The following YEATS2 variants were observed in gnomAD, a reference collection of about 807,000 sequenced individuals.
YEATS2 encodes the protein YEATS domain-containing protein 2.
A neutral mutation model predicts 163.2 loss-of-function variants in YEATS2; 77 were observed. The observed-to-expected ratio is 0.47, with a 90% CI of 0.39 to 0.57. YEATS2 has a LOEUF of 0.57. Among genes scored for constraint, YEATS2 ranks in the 20% least tolerant of loss-of-function variants. The pLI is 0.00. For missense variants in YEATS2, 1,549 were observed against 1,729.8 expected (o/e 0.90, Z 1.85); for synonymous variants, 631 against 645.1 (o/e 0.98, Z 0.33).
intron 6 of YEATS2, among the ~76,000 whole-genome samples, chr3:183,727,433 T>A (rs1163552227): frequency 6.6e-6 from 1 of 152,164 alleles, no homozygotes; most frequent in Non-Finnish European, 1.5e-5. Context: ...GGCCGACCTG[T>A]CTTGTAAAGT....
intron 5 of YEATS2, 123 bp from the exon 6 acceptor site, chr3:183,724,296 G>GA (rs1716834874): frequency 1.4e-6 from 1 of 698,418 alleles, no homozygotes; most frequent in Admixed American, 3.1e-5. Context: ...TACAAAGCCA[G>GA]AAAATTTTGT....
intron 7 of YEATS2, among the ~76,000 whole-genome samples, chr3:183,731,973 T>G (rs899345348): frequency 1.3e-5 from 2 of 152,146 alleles, no homozygotes; most frequent in Non-Finnish European, 2.9e-5. Context: ...TAAAAGAGAT[T>G]ATTGGTTACG....
chr3:183,756,157 G>T (rs976616555), intron 11 of YEATS2, among the ~76,000 whole-genome samples: 1 of 152,192 alleles, frequency 6.6e-6, no homozygotes, highest in Admixed American at 6.5e-5. Context: ...ACAAAAAAAG[G>T]TTCAGCAGTT....
At position 183,775,970 on chromosome 3, in the gene YEATS2, A is replaced by T; in HGVS notation, c.2424A>T (p.Gly808=). ...SGGSGAGGGG[G]GGGGGGSGSG... Reference sequence around the variant, plus strand: ...GGAGTGGTGCCGGAGGAGGAGGAGGAGGAGGAGGAGGAGGCGGCAGTGGCA... The same window carrying T: ...GGAGTGGTGCCGGAGGAGGAGGAGGTGGAGGAGGAGGAGGCGGCAGTGGCA... Residue 808 remains glycine, a synonymous_variant, in exon 18 of 31, where the codon GGA becomes GGT. Transcript: ENST00000305135. The T allele has an allele frequency of 6.2e-7, 1 of 1,607,922 alleles. No homozygotes were observed. Among genetic ancestry groups the T allele is most frequent in the Non-Finnish European group, 8.5e-7 (1 of 1,176,742 alleles).
chr3:183,743,179 A>G (rs749779655), intron 8 of YEATS2, among the ~76,000 whole-genome samples: 1 of 152,198 alleles, frequency 6.6e-6, no homozygotes, highest in Non-Finnish European at 1.5e-5. Flanking sequence ...ATAAAACTGT[A>G]TGTACATGAA....
chr3:183,772,676 T>A (rs1365777421), intron 16 of YEATS2, 113 bp downstream of exon 16: 2 of 1,343,518 alleles, frequency 1.5e-6, no homozygotes, highest in Non-Finnish European at 2.0e-6. Flanking sequence ...GTTAGGTTGA[T>A]GCTGTAAGAA....
chr3:183,775,574 A>G lies in YEATS2; in HGVS notation c.2369-341A>G, dbSNP rs569138939. Among the ~76,000 whole-genome samples the G allele has an allele frequency of 4.6e-5, 7 of 152,324 alleles. No homozygotes were observed. In the South Asian group the frequency reaches 1.0e-3, roughly 23 times the overall value. ...CTTGCCATTGCACTCCAGCCTGGCG[A>G]CAGAGTGAGACTCCGTCTCAAAAAA... On this transcript the variant is annotated intron_variant, in intron 17 of 30. Coordinates refer to ENST00000305135, the MANE Select transcript of YEATS2 (RefSeq NM_018023.5).
intron 15 of YEATS2, among the ~76,000 whole-genome samples, chr3:183,764,438 T>C (rs888012698): frequency 1.4e-5 from 2 of 148,112 alleles, no homozygotes; most frequent in Admixed American, 6.7e-5. Flanking sequence ...CCTACCTATC[T>C]AAGGAGAATG....
rs767308852 is a variant in YEATS2 at position 183,728,859 on chromosome 3, C to A, written c.812+8C>A. On this transcript the variant is annotated splice_region_variant and intron_variant, in intron 7 of 30. Coordinates refer to ENST00000305135, the MANE Select transcript of YEATS2 (RefSeq NM_018023.5). ...TGACCTTGTGGAAGTTAGGTAAGCA[C>A]GCTTGAGGTATTTAACCTAAATTGA... 3.1e-6 allele frequency: 5 copies of A among 1,600,298 alleles called. No individual in the cohort carries two copies. The highest frequency in any genetic ancestry group is 4.3e-6 in the Non-Finnish European group (5 of 1,175,780).
Position 183,772,492 on chromosome 3 carries a change from A to G in YEATS2, c.2135A>G (p.Gln712Arg), listed in dbSNP as rs1458916778. 6.2e-7 allele frequency: 1 copy of G among 1,614,098 alleles called. No homozygotes were observed. The highest frequency in any genetic ancestry group is 2.2e-5 in the East Asian group (1 of 44,900). The change falls in exon 16 of 31, where the codon CAG becomes CGG. Residue 712 changes from glutamine (Q) to arginine (R), a missense_variant. By Grantham distance (43) the Gln-to-Arg change is conservative. Transcript: ENST00000305135. Reference sequence around the variant, plus strand: ...GGAGGTGGAGGAACCATTGTTGCTCAGCCAGTGCAGACCTTAACCAAGGCC... The same window carrying G: ...GGAGGTGGAGGAACCATTGTTGCTCGGCCAGTGCAGACCTTAACCAAGGCC... ...VSGGGGTIVA[Q>R]PVQTLTKAQV...
chr3:183,701,607 C>T (rs553223566), intron 1 of YEATS2, among the ~76,000 whole-genome samples: 2 of 151,424 alleles, frequency 1.3e-5, no homozygotes, highest in Non-Finnish European at 2.9e-5. Context: ...TTGTCCAGGC[C>T]GGTCTTAAAC....
In YEATS2 at chr3:183,790,954, C is replaced by G. The variant is rs753805388; in HGVS notation, c.3071C>G (p.Pro1024Arg). 12 of 1,614,056 alleles carry G rather than the reference C, an allele frequency of 7.4e-6. No homozygotes were observed. Among genetic ancestry groups the G allele is most frequent in the Admixed American group, 1.7e-5 (1 of 59,978 alleles). ...SATSLVPTPNPISGKATVSGL... is the reference protein window; with the variant it reads ...SATSLVPTPNRISGKATVSGL... ...ACGTCCCTCGTGCCTACACCAAACCCCATCTCTGGGAAAGCCACAGTATCC... is the reference window on the plus strand; with the variant it reads ...ACGTCCCTCGTGCCTACACCAAACCGCATCTCTGGGAAAGCCACAGTATCC... The change falls in exon 21 of 31, where the codon CCC becomes CGC. Residue 1024 changes from proline (P) to arginine (R), a missense_variant. Transcript: ENST00000305135.
At chr3:183,798,820 T>C in intron 22 of YEATS2, 71 bp from the exon 23 acceptor site, 3 of 1,229,634 alleles carry the variant, frequency 2.4e-6, no homozygotes, top group Non-Finnish European at 3.6e-6. Flanking sequence ...GGTTGTCACC[T>C]GGAAGTAGAT....
At chr3:183,724,983 TC>T (rs1201910862) in intron 6 of YEATS2, among the ~76,000 whole-genome samples, 1 of 151,202 alleles carries the variant, frequency 6.6e-6, no homozygotes, top group African/African-American at 2.4e-5. Context: ...CCTCAGGTGA[TC>T]CATCCACCTT....
Position 183,810,577 on chromosome 3 carries a change from C to T in YEATS2, c.4263C>T (p.Asp1421=), listed in dbSNP as rs1726709928. Residue 1421 remains aspartate, a synonymous_variant, in exon 31 of 31, where the codon GAC becomes GAT. Coordinates refer to ENST00000305135, the MANE Select transcript of YEATS2 (RefSeq NM_018023.5). ...AACACATGGGAATATTGAATGAGGA[C>T]CAGTGAGCGGAGTGAGGTGCCCTGG... is the stretch of plus-strand genomic sequence containing the variant. ...TNKHMGILNE[D]Q 1.9e-6 allele frequency: 3 copies of T among 1,613,710 alleles called. No individual in the cohort carries two copies. In the African/African-American group the frequency reaches 4.0e-5, roughly 22 times the overall value.
intron 1 of YEATS2, among the ~76,000 whole-genome samples, chr3:183,711,470 CAAA>C (rs532093071): frequency 9.9e-5 from 7 of 70,822 alleles, no homozygotes; most frequent in Non-Finnish European, 1.4e-4. Flanking sequence ...GACTCTGTCT[CAAA>C]AAAAAAAAAA....
At position 183,804,042 on chromosome 3, in the gene YEATS2, C is replaced by T. The variant is rs750170176; in HGVS notation, c.3638C>T (p.Pro1213Leu). The change falls in exon 27 of 31, where the codon CCG becomes CTG. Residue 1213 changes from proline to leucine, a missense_variant. Transcript: ENST00000305135. ...TTACAAGAAATCCTGGAGAAGAATC[C>T]GAGATTTCACCACCTGACTCCCCTC... ...KVLQEILEKN[P>L]RFHHLTPLKT... 9.9e-6 allele frequency: 16 copies of T among 1,614,042 alleles called. No individual in the cohort carries two copies. The highest frequency in any genetic ancestry group is 4.5e-5 in the East Asian group (2 of 44,874).
intron 6 of YEATS2, among the ~76,000 whole-genome samples, chr3:183,726,073 G>T (rs1200676743): frequency 6.6e-6 from 1 of 151,828 alleles, no homozygotes; most frequent in Non-Finnish European, 1.5e-5. Flanking sequence ...GTAGGAGGAG[G>T]CCTCAGGGAA....
chr3:183,774,247 C>T (rs978633787), intron 17 of YEATS2, among the ~76,000 whole-genome samples: 9 of 152,176 alleles, frequency 5.9e-5, no homozygotes, highest in Non-Finnish European at 1.3e-4. Flanking sequence ...TGAGCATGGA[C>T]GAAGAAGCAT....
Sources: allele counts gnomAD v4.1 joint callset (sites outside exome capture counted in the v4.1 genomes callset), GRCh38; gene constraint gnomAD v4.1.1; transcripts MANE v1.5; gene names NCBI Gene and HGNC (gene_info 2026-07-23, HGNC 2026-07-21).